STXBP5L: variants seen among roughly 807,000 people sequenced by gnomAD.
STXBP5L encodes the protein syntaxin-binding protein 5-like.
STXBP5L carries 65 observed loss-of-function variants against 144.5 expected under a neutral mutation model. The ratio of observed to expected loss-of-function variants is 0.45; its 90% CI spans 0.37 to 0.55. STXBP5L has a LOEUF of 0.55. Among genes scored for constraint, STXBP5L ranks in the 20% least tolerant of loss-of-function variants. STXBP5L has a pLI of 0.00. For missense variants in STXBP5L, 1,298 were observed against 1,405.5 expected (o/e 0.92, Z 1.22); for synonymous variants, 505 against 469.6 (o/e 1.08, Z -0.97).
intron 23 of STXBP5L, among the ~76,000 whole-genome samples, chr3:121,411,939 T>C (rs1359318594): frequency 2.0e-5 from 3 of 152,160 alleles, no homozygotes; most frequent in Non-Finnish European, 4.4e-5. Context: ...TGTAGGAACA[T>C]GTGAAGTGCT....
intron 3 of STXBP5L, among the ~76,000 whole-genome samples, chr3:121,020,373 G>T (rs1312236901): frequency 1.3e-5 from 2 of 152,172 alleles, no homozygotes; most frequent in South Asian, 2.1e-4. Context: ...CCCCAGCCTT[G>T]CTAGAGATCT....
At chr3:121,227,913 T>A (rs2049172446) in intron 11 of STXBP5L, among the ~76,000 whole-genome samples, 1 of 152,200 alleles carries the variant, frequency 6.6e-6, no homozygotes, top group South Asian at 2.1e-4. Context: ...CAAATAAACC[T>A]AATCATTTAA....
At chr3:121,014,911 T>G (rs1012315131) in intron 3 of STXBP5L, among the ~76,000 whole-genome samples, 2 of 152,080 alleles carry the variant, frequency 1.3e-5, no homozygotes, top group Non-Finnish European at 2.9e-5. Context: ...AAAAATTAAC[T>G]TTAATATTGA....
rs1163982897 is a variant in STXBP5L, at chr3:121,113,143, A to G, written c.471-1782A>G. On this transcript the variant is annotated intron_variant, in intron 5 of 26. Coordinates refer to ENST00000471454, the MANE Select transcript of STXBP5L (RefSeq NM_001308330.2). The stretch of plus-strand genomic sequence containing the variant: ...GGAATAGTTCTAGTTCTGTCTCATT[A>G]CTGAAACCTGGTAGTTCTTACACTT... 2.6e-5 allele frequency among the ~76,000 whole-genome samples: 4 copies of G among 152,324 alleles called. No individual in the cohort carries two copies. In the South Asian group the frequency reaches 6.2e-4, roughly 24 times the overall value.
At chr3:121,246,775 T>C (rs1405033411) in intron 14 of STXBP5L, among the ~76,000 whole-genome samples, 1 of 152,152 alleles carries the variant, frequency 6.6e-6, no homozygotes, top group Non-Finnish European at 1.5e-5. Context: ...TATTAATACA[T>C]GTAAGAAATA....
At chr3:121,386,564 C>T (rs1443785618) in intron 22 of STXBP5L, among the ~76,000 whole-genome samples, 1 of 152,100 alleles carries the variant, frequency 6.6e-6, no homozygotes, top group Non-Finnish European at 1.5e-5. Flanking sequence ...GTCCCCACCC[C>T]CCGACAGGTC....
intron 5 of STXBP5L, chr3:121,099,434 A>C: frequency 6.6e-6 from 1 of 152,246 alleles, no homozygotes; most frequent in East Asian, 1.9e-4. Flanking sequence ...GTTCTTCAAG[A>C]AGCTACAATA....
intron 9 of STXBP5L, among the ~76,000 whole-genome samples, chr3:121,180,945 G>GAGAAA (rs921010671): frequency 6.6e-6 from 1 of 150,924 alleles, no homozygotes; most frequent in African/African-American, 2.4e-5. Context: ...AAGAAGAGAA[G>GAGAAA]AGAAAAGAAG....
At chr3:120,951,091 G>C (rs1576470582) in intron 2 of STXBP5L, among the ~76,000 whole-genome samples, 1 of 152,224 alleles carries the variant, frequency 6.6e-6, no homozygotes, top group South Asian at 2.1e-4. Context: ...GGAAAAACTG[G>C]CTAGCCATAT....
intron 14 of STXBP5L, among the ~76,000 whole-genome samples, chr3:121,247,575 A>G (rs1182217384): frequency 1.3e-5 from 2 of 152,086 alleles, no homozygotes; most frequent in African/African-American, 4.8e-5. Context: ...TGTGGTATTT[A>G]GTTTTCTGTT....
intron 12 of STXBP5L, among the ~76,000 whole-genome samples, chr3:121,234,171 TGGTG>T (rs2049395462): frequency 6.6e-6 from 1 of 152,152 alleles, no homozygotes; most frequent in South Asian, 2.1e-4. Flanking sequence ...GCTATAATAG[TGGTG>T]CTCTCCACTC....
intron 7 of STXBP5L, among the ~76,000 whole-genome samples, chr3:121,143,038 C>G (rs553980233): frequency 6.6e-6 from 1 of 151,782 alleles, no homozygotes; most frequent in South Asian, 2.1e-4. Context: ...TGATTTACAA[C>G]TGATGCCACA....
At chr3:121,372,919 T>C (rs555974049) in intron 20 of STXBP5L, among the ~76,000 whole-genome samples, 13 of 152,342 alleles carry the variant, frequency 8.5e-5, no homozygotes, top group African/African-American at 3.1e-4. Flanking sequence ...GTTAAAATTT[T>C]AAAAATTAAA....
At chr3:121,019,286 A>G (rs1228475183) in intron 3 of STXBP5L, among the ~76,000 whole-genome samples, 1 of 152,066 alleles carries the variant, frequency 6.6e-6, no homozygotes. Context: ...GTCTTTGTCT[A>G]CCTACCCTAA....
Position 121,250,703 on chromosome 3 carries a change from C to T in STXBP5L, c.1401-20C>T, listed in dbSNP as rs372717944. 1.3e-6 allele frequency: 2 copies of T among 1,591,634 alleles called. No homozygotes were observed. The highest frequency in any genetic ancestry group is 2.7e-5 in the African/African-American group (2 of 74,250). ...TTTATTTAGTATACTTTAATTAATG[C>T]TAATTTATTTCTCATCTAGTCATGC... On this transcript the variant is annotated intron_variant, in intron 14 of 26. Coordinates refer to ENST00000471454, the MANE Select transcript of STXBP5L (RefSeq NM_001308330.2).
chr3:120,978,410 A>T (rs1378617288), intron 3 of STXBP5L, among the ~76,000 whole-genome samples: 1 of 152,090 alleles, frequency 6.6e-6, no homozygotes, highest in Admixed American at 6.5e-5. Context: ...TCCTTTAAGC[A>T]CTTCTCTGTA....
intron 5 of STXBP5L, among the ~76,000 whole-genome samples, chr3:121,108,772 A>G (rs970351296): frequency 1.3e-5 from 2 of 152,172 alleles, no homozygotes; most frequent in Admixed American, 6.5e-5. Context: ...TGTTTGAAGT[A>G]GTTTCAGAAT....
At chr3:121,343,804 G>A (rs1185224839) in intron 20 of STXBP5L, among the ~76,000 whole-genome samples, 3 of 152,072 alleles carry the variant, frequency 2.0e-5, no homozygotes, top group Non-Finnish European at 4.4e-5. Context: ...AATCAATATC[G>A]TGAAAATGGC....
At chr3:121,212,656 C>T (rs2048622676) in intron 10 of STXBP5L, among the ~76,000 whole-genome samples, 1 of 152,114 alleles carries the variant, frequency 6.6e-6, no homozygotes, top group Non-Finnish European at 1.5e-5. Flanking sequence ...ATGATGCCTC[C>T]AGCTTTGTTC....
Sources: gnomAD v4.1 joint callset for allele counts (sites outside exome capture counted in the v4.1 genomes callset) on GRCh38, gnomAD v4.1.1 for gene constraint, MANE v1.5 for transcripts, NCBI Gene and HGNC (gene_info 2026-07-23, HGNC 2026-07-21) for gene names.